Variants in PRKN observed in about 807,000 individuals in gnomAD.
The protein encoded by PRKN is E3 ubiquitin-protein ligase parkin.
Under a neutral mutation model 59.5 loss-of-function variants are expected in PRKN, and 56 were observed. The ratio of observed to expected loss-of-function variants is 0.94; its 90% CI spans 0.76 to 1.18. PRKN has a LOEUF of 1.18. Among genes scored for constraint, PRKN ranks in the 50% most tolerant of loss-of-function variants. The pLI is 0.00. For missense variants in PRKN, 657 were observed against 596.4 expected, an observed-to-expected ratio of 1.10 and a Z score of -1.06; for synonymous variants, 250 against 222.1, an observed-to-expected ratio of 1.13 and a Z score of -1.12.
chr6:162,576,326 G>C (rs944717762), intron 1 of PRKN, among the ~76,000 whole-genome samples: 2 of 152,156 alleles, frequency 1.3e-5, no homozygotes, highest in Non-Finnish European at 2.9e-5. Context: ...CAAAAGGCAT[G>C]CTGTCTATTA....
At chr6:161,757,886 TACACACAC>T (rs373332894) in intron 7 of PRKN, among the ~76,000 whole-genome samples, 1,633 of 116,172 alleles carry the variant, frequency 0.014, 40 homozygotes, top group Middle Eastern at 0.041. Flanking sequence ...TATATATATA[TACACACAC>T]ACACACACAC....
chr6:161,609,036 A>C (rs1782390755), intron 7 of PRKN, among the ~76,000 whole-genome samples: 1 of 152,142 alleles, frequency 6.6e-6, no homozygotes, highest in South Asian at 2.1e-4. Context: ...GTAGCTGCTC[A>C]CTCCTTAACT....
At chr6:162,684,296 T>C (rs1365580353) in intron 1 of PRKN, among the ~76,000 whole-genome samples, 2 of 152,086 alleles carry the variant, frequency 1.3e-5, no homozygotes, top group African/African-American at 4.8e-5. Context: ...AACTGAACTC[T>C]TCAGCCAGGA....
At chr6:161,634,701 C>G (rs1166082508) in intron 7 of PRKN, among the ~76,000 whole-genome samples, 1 of 152,192 alleles carries the variant, frequency 6.6e-6, no homozygotes, top group East Asian at 1.9e-4. Context: ...CCTGGAGATG[C>G]TCTGTCTTGG....
Position 161,410,633 on chromosome 6 carries a change from C to T in PRKN, c.1084-23756G>A, listed in dbSNP as rs151061434. Among the ~76,000 whole-genome samples, 3 of 151,978 alleles carry T rather than the reference C, an allele frequency of 2.0e-5. No individual in the cohort carries two copies. Among genetic ancestry groups the T allele is most frequent in the African/African-American group, 7.3e-5 (3 of 41,362 alleles). On this transcript the variant is annotated intron_variant, in intron 9 of 11. Coordinates refer to ENST00000366898, the MANE Select transcript of PRKN (RefSeq NM_004562.3). This position sits in a 1 kb window ranked among gnomAD's most constrained non-coding sequence, Gnocchi z 5.3. ...ATTCTGGTGCTCATCGTGGGCCATG[C>T]GTTGGTTACAAGGAAGCAGATGGAG... is the stretch of plus-strand genomic sequence containing the variant.
In PRKN at chr6:161,871,880, G is replaced by A. The variant is rs151256144; in HGVS notation, c.735-85972C>T. ...CATATGGGACACACCACAGGCACGA[G>A]GACGTGAACGGCTCCAGCATTCACT... On this transcript the variant is annotated intron_variant, in intron 6 of 11. Transcript: ENST00000366898. Among the ~76,000 whole-genome samples, 1,376 of 152,226 alleles carry A rather than the reference G, an allele frequency of 9.0e-3. 15 individuals carry two copies. The highest frequency in any genetic ancestry group is 0.032 in the African/African-American group (1,325 of 41,524).
chr6:162,130,002 T>C (rs1337541313), intron 4 of PRKN, among the ~76,000 whole-genome samples: 1 of 151,854 alleles, frequency 6.6e-6, no homozygotes, highest in South Asian at 2.1e-4. Flanking sequence ...AATTGAGGAG[T>C]AGAGAATGAA....
At chr6:161,667,908 C>T (rs1784779681) in intron 7 of PRKN, among the ~76,000 whole-genome samples, 1 of 152,214 alleles carries the variant, frequency 6.6e-6, no homozygotes, top group Non-Finnish European at 1.5e-5. Context: ...ATTTATTTAA[C>T]ATTTCAGATA....
intron 2 of PRKN, among the ~76,000 whole-genome samples, chr6:162,264,941 A>G (rs1264802338): frequency 6.7e-6 from 1 of 150,044 alleles, no homozygotes; most frequent in Non-Finnish European, 1.5e-5. Flanking sequence ...CACATCTTCA[A>G]CTCTTTTACA....
intron 5 of PRKN, among the ~76,000 whole-genome samples, chr6:162,049,208 A>T (rs145819867): frequency 6.6e-6 from 1 of 152,046 alleles, no homozygotes; most frequent in East Asian, 1.9e-4. Context: ...ATATATTAGG[A>T]ACACTGCTAT....
At chr6:162,611,421 G>C (rs1002315074) in intron 1 of PRKN, among the ~76,000 whole-genome samples, 1 of 152,154 alleles carries the variant, frequency 6.6e-6, no homozygotes, top group Non-Finnish European at 1.5e-5. Context: ...CAGAACTAAG[G>C]AGATTTGGTA....
chr6:162,489,281 T>G (rs1265534815), intron 1 of PRKN, among the ~76,000 whole-genome samples: 1 of 152,222 alleles, frequency 6.6e-6, no homozygotes, highest in Non-Finnish European at 1.5e-5. Flanking sequence ...AGAATTCTTC[T>G]GCTGGCCCTC....
chr6:161,873,649 G>C (rs2128227143), intron 6 of PRKN, among the ~76,000 whole-genome samples: 1 of 151,702 alleles, frequency 6.6e-6, no homozygotes, highest in African/African-American at 2.4e-5. Context: ...AACAAAACAA[G>C]TCTGCCAGTT....
intron 6 of PRKN, among the ~76,000 whole-genome samples, chr6:161,809,580 C>G (rs983997846): frequency 1.3e-5 from 2 of 152,118 alleles, no homozygotes; most frequent in Non-Finnish European, 2.9e-5. Flanking sequence ...AGGGAAATAT[C>G]TATTTTTTGG....
intron 7 of PRKN, among the ~76,000 whole-genome samples, chr6:161,753,607 G>A (rs1287027954): frequency 1.3e-5 from 2 of 152,210 alleles, no homozygotes; most frequent in Admixed American, 1.3e-4. Flanking sequence ...CATGTTTGTA[G>A]GATGTAGGAG....
Position 162,675,109 on chromosome 6 carries a change from C to T in PRKN, c.7+52553G>A, listed in dbSNP as rs539931042. Among the ~76,000 whole-genome samples, 12 of 146,758 alleles carry T rather than the reference C, an allele frequency of 8.2e-5. No homozygotes were observed. In the East Asian group the frequency reaches 1.4e-3, roughly 18 times the overall value. ...GTTGCCCGGCTGGAGTGCAGTGGCG[C>T]GATCTTGGCTCACTGCAACCTCTGC... is the stretch of plus-strand genomic sequence containing the variant. On this transcript the variant is annotated intron_variant, in intron 1 of 11. Transcript: ENST00000366898.
intron 6 of PRKN, among the ~76,000 whole-genome samples, chr6:161,881,224 C>A (rs943558084): frequency 2.0e-5 from 3 of 152,134 alleles, no homozygotes; most frequent in Non-Finnish European, 4.4e-5. Flanking sequence ...TGTGTGGAGA[C>A]GCATCAGCAG....
rs1782541642 is a variant in PRKN, at chr6:162,156,983, T to A, written c.534+44148A>T. Among the ~76,000 whole-genome samples the A allele has an allele frequency of 3.3e-5, 3 of 90,034 alleles. No individual in the cohort carries two copies. In the Admixed American group the frequency reaches 4.4e-4, roughly 13 times the overall value. 59.1% of individuals were successfully genotyped at this position (90,034 alleles called of 152,430 possible). Reference sequence around the variant, plus strand: ...CCCATTGCAAATCACATTTTATGAATACCTGTATACATCAATCTTTCCATT... The same window carrying A: ...CCCATTGCAAATCACATTTTATGAAAACCTGTATACATCAATCTTTCCATT... On this transcript the variant is annotated intron_variant, in intron 4 of 11. Transcript: ENST00000366898.
At position 161,545,084 on chromosome 6, in the gene PRKN, C is replaced by A. The variant is rs973001383; in HGVS notation, c.1083+3770G>T. On this transcript the variant is annotated intron_variant, in intron 9 of 11. Transcript: ENST00000366898. This position sits in a 1 kb window ranked among gnomAD's most constrained non-coding sequence, Gnocchi z 4.1. ...CAACACATGGGTGTCTAGCTCCGAA[C>A]AATTTTAAATCCCACAAATGACAGA... 5.4e-6 allele frequency: 6 copies of A among 1,104,438 alleles called. No individual in the cohort carries two copies. Among genetic ancestry groups the A allele is most frequent in the African/African-American group, 1.6e-5 (1 of 61,418 alleles). The allele number at this position is 1,104,438 out of a possible 1,614,324, so 68.4% of individuals were successfully genotyped here.
Sources: allele counts gnomAD v4.1 joint callset (sites outside exome capture counted in the v4.1 genomes callset), GRCh38; gene constraint gnomAD v4.1.1; non-coding constraint Gnocchi (gnomAD v3.1); transcripts MANE v1.5; gene names NCBI Gene and HGNC (gene_info 2026-07-23, HGNC 2026-07-21).